IRAG1: variants seen among roughly 807,000 people sequenced by gnomAD.
IRAG1 encodes IP3R-associated cGMP kinase substrate.
In IRAG1, 62 loss-of-function variants were observed where a neutral mutation model predicts 106.2. That is an observed-to-expected ratio of 0.58 (90% confidence interval 0.48 to 0.72). IRAG1 has a LOEUF of 0.72. Among genes scored for constraint, IRAG1 ranks in the 30% least tolerant of loss-of-function variants. IRAG1 has a pLI of 0.00. For synonymous variants in IRAG1, 462 were observed against 443.9 expected, an observed-to-expected ratio of 1.04 and a Z score of -0.51; for missense variants, 1,064 against 1,140.7, an observed-to-expected ratio of 0.93 and a Z score of 0.97.
Position 10,652,032 on chromosome 11 carries a change from G to T in IRAG1, c.218C>A (p.Ala73Asp). Residue 73 changes from alanine to aspartate, a missense_variant, in exon 2 of 21, where the codon GCC becomes GAC. Transcript: ENST00000423302. ...PGEPQAAQSP[A>D]GQGPPAAGVS... is the part of the protein sequence containing the mutation. ...CAGGGAGGGGGCACTTACTTGGCCG[G>T]CAGGGCTCTGGGCTGCCTGTGGCTC... 1 of 1,572,542 alleles carries T rather than the reference G, an allele frequency of 6.4e-7. No individual in the cohort carries two copies. The highest frequency in any genetic ancestry group is 8.6e-7 in the Non-Finnish European group (1 of 1,160,382).
In IRAG1 at chr11:10,576,254, T is replaced by G. The variant is rs543157749; in HGVS notation, c.*78A>C. On this transcript the variant is annotated 3_prime_UTR_variant, in exon 21 of 21. Transcript: ENST00000423302. Reference sequence around the variant, plus strand: ...GGATGGGCGGCAGTGTGTCCACACTTGGGCCTGACGTTATACTTGGGGAAA... The same window carrying G: ...GGATGGGCGGCAGTGTGTCCACACTGGGGCCTGACGTTATACTTGGGGAAA... 1.3e-6 allele frequency: 2 copies of G among 1,584,032 alleles called. No individual in the cohort carries two copies. The highest frequency in any genetic ancestry group is 2.3e-5 in the East Asian group (1 of 44,284).
At chr11:10,687,090 G>T (rs776922294) in intron 1 of IRAG1, among the ~76,000 whole-genome samples, 6 of 152,220 alleles carry the variant, frequency 3.9e-5, no homozygotes, top group Non-Finnish European at 8.8e-5. Flanking sequence ...CTGGAGAAAA[G>T]ATGAGGATTG....
rs116788738 is a variant in IRAG1, at chr11:10,583,347, G to C, written c.2241-1361C>G. On this transcript the variant is annotated intron_variant, in intron 18 of 20. Coordinates refer to ENST00000423302, the MANE Select transcript of IRAG1 (RefSeq NM_130385.4). ...CATCTTCAGAGAAGGCTGAGAAGTA[G>C]CAGCCAGAGAGGTAAGAGGAAACCT... Among the ~76,000 whole-genome samples the C allele has an allele frequency of 7.9e-3, 1,210 of 152,324 alleles. 10 individuals are homozygous for C. Among genetic ancestry groups the C allele is most frequent in the African/African-American group, 0.028 (1,162 of 41,574 alleles).
rs1311215199 is a variant in IRAG1, at chr11:10,626,228, G to A, written c.1106C>T (p.Pro369Leu). ...TTTGGAGCCAGCCTCGGGCCCCATC[G>A]GCTCTCCAGCTGGGCCTCTCCCCTG... Reference protein sequence around the residue: ...ASQGRGPAGEPMGPEAGSKAE... With the variant: ...ASQGRGPAGELMGPEAGSKAE... The change falls in exon 9 of 21, where the codon CCG becomes CTG. Residue 369 changes from proline (P) to leucine (L), a missense_variant. Pro to Leu is a moderately conservative substitution (Grantham distance 98). Transcript: ENST00000423302. 32 of 1,598,368 alleles carry A rather than the reference G, an allele frequency of 2.0e-5. No homozygotes were observed. The highest frequency in any genetic ancestry group is 6.7e-5 in the African/African-American group (5 of 74,530).
intron 15 of IRAG1, among the ~76,000 whole-genome samples, chr11:10,600,289 T>C (rs1853844204): frequency 6.6e-6 from 1 of 152,230 alleles, no homozygotes; most frequent in South Asian, 2.1e-4. Context: ...AACTTCTGTC[T>C]TACCCATGAG....
chr11:10,668,882 AAGTGCCAGCAGACCT>A (rs1859998720), intron 1 of IRAG1, among the ~76,000 whole-genome samples: 3 of 152,216 alleles, frequency 2.0e-5, no homozygotes, highest in Non-Finnish European at 4.4e-5. Flanking sequence ...AAGATGGGGT[AAGTGCCAGCAGACCT>A]GGCTCTGAGG....
At position 10,598,248 on chromosome 11, in the gene IRAG1, G is replaced by A. The variant is rs1471072224; in HGVS notation, c.2017+2670C>T. On this transcript the variant is annotated intron_variant, in intron 15 of 20. Coordinates refer to ENST00000423302, the MANE Select transcript of IRAG1 (RefSeq NM_130385.4). ...GACACTTGTCCCTAAGGAAGCTGCAGGGTCAGCTTGGTTTCAGTTCTCTTT... is the reference window on the plus strand; with the variant it reads ...GACACTTGTCCCTAAGGAAGCTGCAAGGTCAGCTTGGTTTCAGTTCTCTTT... Among the ~76,000 whole-genome samples the A allele has an allele frequency of 2.6e-5, 4 of 152,290 alleles. No homozygotes were observed. The East Asian group carries it at 7.7e-4, about 29-fold the overall frequency.
Position 10,633,127 on chromosome 11 carries a change from T to A in IRAG1, c.329+841A>T, listed in dbSNP as rs142589578. 6.5e-3 allele frequency among the ~76,000 whole-genome samples: 956 copies of A among 148,180 alleles called. 10 individuals carry two copies. The highest frequency in any genetic ancestry group is 0.023 in the African/African-American group (902 of 40,040). On this transcript the variant is annotated intron_variant, in intron 3 of 20. Transcript: ENST00000423302. ...TCTCGCACTGTCGCCCAGGCTGGAGTGCAGTGGCGCGATCTGGGCTCACTG... is the reference window on the plus strand; with the variant it reads ...TCTCGCACTGTCGCCCAGGCTGGAGAGCAGTGGCGCGATCTGGGCTCACTG...
chr11:10,609,608 A>G, intron 11 of IRAG1, 120 bp downstream of exon 11: 1 of 1,186,226 alleles, frequency 8.4e-7, no homozygotes, highest in East Asian at 2.6e-5. Context: ...TATCTAGACA[A>G]TTGGACTTTG....
At chr11:10,588,185 G>A (rs913905203) in intron 18 of IRAG1, among the ~76,000 whole-genome samples, 9 of 152,148 alleles carry the variant, frequency 5.9e-5, no homozygotes, top group South Asian at 2.1e-4. Flanking sequence ...ATAGTCAACA[G>A]TAATTACCAT....
intron 15 of IRAG1, among the ~76,000 whole-genome samples, chr11:10,596,395 T>C (rs772333000): frequency 6.6e-6 from 1 of 152,258 alleles, no homozygotes; most frequent in Admixed American, 6.5e-5. Flanking sequence ...CCATTGAGAA[T>C]TGTCATTCCT....
chr11:10,579,613 T>G (rs1851186879), intron 20 of IRAG1, among the ~76,000 whole-genome samples: 1 of 32,678 alleles, frequency 3.1e-5, no homozygotes. Flanking sequence ...ATCTGTGGGG[T>G]AGAGTAACAC....
chr11:10,624,491 C>A (rs537295973), intron 9 of IRAG1, among the ~76,000 whole-genome samples: 1 of 152,322 alleles, frequency 6.6e-6, no homozygotes, highest in South Asian at 2.1e-4. Context: ...CACACCTGCT[C>A]TAAGCCAATT....
chr11:10,640,295 A>G (rs1191266415), intron 2 of IRAG1, among the ~76,000 whole-genome samples: 1 of 152,226 alleles, frequency 6.6e-6, no homozygotes, highest in Non-Finnish European at 1.5e-5. Context: ...AGTGCCAAGC[A>G]GGTAACCGCA....
At chr11:10,593,948 T>A in intron 16 of IRAG1, 198 bp downstream of exon 16, 1 of 604,858 alleles carries the variant, frequency 1.7e-6, no homozygotes, top group Non-Finnish European at 2.9e-6. Flanking sequence ...TTAAGGGATG[T>A]ATACATAGTT....
intron 1 of IRAG1, among the ~76,000 whole-genome samples, chr11:10,671,250 C>T (rs1860195268): frequency 6.6e-6 from 1 of 152,158 alleles, no homozygotes; most frequent in Admixed American, 6.5e-5. Flanking sequence ...GAGGAATCCA[C>T]TAAAAAACTA....
chr11:10,671,849 G>A (rs2135113106), intron 1 of IRAG1, among the ~76,000 whole-genome samples: 2 of 152,270 alleles, frequency 1.3e-5, no homozygotes, highest in East Asian at 3.9e-4. Context: ...TTGTTGGAAT[G>A]CCATCTCATT....
chr11:10,674,765 G>A (rs941991112), intron 1 of IRAG1, among the ~76,000 whole-genome samples: 2 of 152,162 alleles, frequency 1.3e-5, no homozygotes, highest in Admixed American at 1.3e-4. Context: ...GCACGGTGTC[G>A]GCTCCCTGCC....
intron 1 of IRAG1, among the ~76,000 whole-genome samples, chr11:10,671,032 C>T (rs1860177485): frequency 6.6e-6 from 1 of 152,204 alleles, no homozygotes; most frequent in Non-Finnish European, 1.5e-5. Context: ...AAATTCAAGT[C>T]TGTTTCAAAC....
Sources: gnomAD v4.1 joint callset for allele counts (sites outside exome capture counted in the v4.1 genomes callset) on GRCh38, gnomAD v4.1.1 for gene constraint, MANE v1.5 for transcripts, NCBI Gene and HGNC (gene_info 2026-07-23, HGNC 2026-07-21) for gene names.